Variants in FSIP2 observed in about 807,000 individuals in gnomAD.
FSIP2 encodes the protein fibrous sheath interacting protein 2.
Under a neutral mutation model 510.5 loss-of-function variants are expected in FSIP2, and 367 were observed. The ratio of observed to expected loss-of-function variants is 0.72; its 90% CI spans 0.66 to 0.78. The LOEUF (loss-of-function observed/expected upper bound fraction) is 0.78, where lower values mean the gene tolerates loss of function less well. Among genes scored for constraint, FSIP2 ranks in the 30% least tolerant of loss-of-function variants. The pLI is 0.00. For synonymous variants in FSIP2, 2,601 were observed against 2,732.2 expected (o/e 0.95, Z 1.50); for missense variants, 7,594 against 7,901.7 (o/e 0.96, Z 1.48).
Position 185,803,172 on chromosome 2 carries a change from C to A in FSIP2, c.13866C>A (p.Phe4622Leu). The change falls in exon 17 of 23, where the codon TTC (phenylalanine) becomes TTA (leucine). Residue 4622 changes from phenylalanine to leucine, a missense_variant. By Grantham distance (22) the Phe-to-Leu change is conservative. Coordinates refer to ENST00000424728, the MANE Select transcript of FSIP2 (RefSeq NM_173651.4). ...ATACCAGTGTTTACTCTTCAACATTCTTGGAAGATGTAATCTCTGGGGTTT... is the reference window on the plus strand; with the variant it reads ...ATACCAGTGTTTACTCTTCAACATTATTGGAAGATGTAATCTCTGGGGTTT... ...LFYTSVYSSTFLEDVISGVLR... is the reference protein window; with the variant it reads ...LFYTSVYSSTLLEDVISGVLR... 2 of 1,532,326 alleles carry A rather than the reference C, an allele frequency of 1.3e-6. No homozygotes were observed. Among genetic ancestry groups the A allele is most frequent in the Non-Finnish European group, 1.7e-6 (2 of 1,144,648 alleles). The allele number at this position is 1,532,326 out of a possible 1,614,324, so 94.9% of individuals were successfully genotyped here. A position where few individuals can be genotyped will look rare whatever the true frequency, so the allele number is the denominator to read the frequency against.
At position 185,800,972 on chromosome 2, in the gene FSIP2, A is replaced by G; in HGVS notation, c.11666A>G (p.Lys3889Arg). 6.5e-7 allele frequency: 1 copy of G among 1,529,074 alleles called. No homozygotes were observed. Among genetic ancestry groups the G allele is most frequent in the Non-Finnish European group, 8.7e-7 (1 of 1,143,116 alleles). 94.7% of individuals were successfully genotyped at this position (1,529,074 alleles called of 1,614,324 possible). ...CAGTCTAGTTTCATAAAAGCAAGAA[A>G]GTCAGAATTAATAGAATTAGGACAG... ...EIQSSFIKARKSELIELGQSK... is the reference protein window; with the variant it reads ...EIQSSFIKARRSELIELGQSK... The change falls in exon 17 of 23, where the codon AAG (lysine) becomes AGG (arginine). Residue 3889 changes from lysine (K) to arginine (R), a missense_variant. By Grantham distance (26) the Lys-to-Arg change is conservative. Transcript: ENST00000424728.
At position 185,797,150 on chromosome 2, in the gene FSIP2, A is replaced by C. The variant is rs182519742; in HGVS notation, c.10014A>C (p.Leu3338=). ...CAGAAAATATTGTCAATACTGTGCT[A>C]TCCAGCTGTGGCTTTCCAAGTCAAC... ...LAAENIVNTV[L]SSCGFPSQPH... is the part of the protein sequence containing the mutation. The change falls in exon 16 of 23, where the codon CTA becomes CTC. Residue 3338 remains leucine (L), a synonymous_variant. Coordinates refer to ENST00000424728, the MANE Select transcript of FSIP2 (RefSeq NM_173651.4). 7,489 of 1,535,010 alleles carry C rather than the reference A, an allele frequency of 4.9e-3. 28 individuals carry two copies. Among genetic ancestry groups the C allele is most frequent in the South Asian group, 5.7e-3 (478 of 84,032 alleles).
At chr2:185,743,705 GTATA>G (rs1317076534) in intron 3 of FSIP2, among the ~76,000 whole-genome samples, 19 of 152,134 alleles carry the variant, frequency 1.2e-4, no homozygotes, top group Non-Finnish European at 2.5e-4. Context: ...CCTTGATAGA[GTATA>G]TTCTTATTGG....
At chr2:185,812,706 C>T (rs1401868424) in intron 17 of FSIP2, among the ~76,000 whole-genome samples, 1 of 152,002 alleles carries the variant, frequency 6.6e-6, no homozygotes, top group African/African-American at 2.4e-5. Context: ...ATTTTCTAAA[C>T]CACTGTTTTC....
Position 185,788,872 on chromosome 2 carries a change from T to C in FSIP2, c.1736T>C (p.Phe579Ser), listed in dbSNP as rs748073559. The stretch of plus-strand genomic sequence containing the variant: ...TACACATCTGCAACAACTAAAACAT[T>C]TCAGGCAGAACCCTGTGCATTTGTA... Reference protein sequence around the residue: ...RSYTSATTKTFQAEPCAFVVD... With the variant: ...RSYTSATTKTSQAEPCAFVVD... The change falls in exon 16 of 23, where the codon TTT becomes TCT. Residue 579 changes from phenylalanine to serine, a missense_variant. Coordinates refer to ENST00000424728, the MANE Select transcript of FSIP2 (RefSeq NM_173651.4). The C allele has an allele frequency of 7.9e-5, 122 of 1,534,812 alleles. No homozygotes were observed. Among genetic ancestry groups the C allele is most frequent in the Non-Finnish European group, 1.0e-4 (119 of 1,145,990 alleles).
Position 185,807,558 on chromosome 2 carries a change from G to C in FSIP2, c.18252G>C (p.Val6084=), listed in dbSNP as rs1051173699. The change falls in exon 17 of 23, where the codon GTG becomes GTC. Residue 6084 remains valine, a synonymous_variant. Coordinates refer to ENST00000424728, the MANE Select transcript of FSIP2 (RefSeq NM_173651.4). ...ATGATGATGAAATTATTCAATTAGT[G>C]GTTCAGTCTGTTTATAATAATCTCT... ...QSDDDEIIQL[V]VQSVYNNLLP... The C allele has an allele frequency of 3.7e-6, 6 of 1,611,732 alleles. No homozygotes were observed. Among genetic ancestry groups the C allele is most frequent in the African/African-American group, 2.7e-5 (2 of 74,774 alleles).
At chr2:185,811,044 T>C (rs924082203) in intron 17 of FSIP2, among the ~76,000 whole-genome samples, 5 of 152,034 alleles carry the variant, frequency 3.3e-5, no homozygotes, top group African/African-American at 9.7e-5. Context: ...TTCTCATAAA[T>C]GAAACATTCA....
In FSIP2 at chr2:185,796,299, T is replaced by G. The variant is rs768559130; in HGVS notation, c.9163T>G (p.Ser3055Ala). ...PLKMFSDKSE[S>A]NTINFKENIQ... Reference sequence around the variant, plus strand: ...GAAAATGTTTTCTGATAAATCCGAGTCAAATACTATTAATTTCAAGGAAAA... The same window carrying G: ...GAAAATGTTTTCTGATAAATCCGAGGCAAATACTATTAATTTCAAGGAAAA... Residue 3055 changes from serine to alanine, a missense_variant, in exon 16 of 23, where the codon TCA (serine) becomes GCA (alanine). Ser to Ala is a moderately conservative substitution (Grantham distance 99). Coordinates refer to ENST00000424728, the MANE Select transcript of FSIP2 (RefSeq NM_173651.4). The G allele has an allele frequency of 6.5e-7, 1 of 1,533,372 alleles. No individual in the cohort carries two copies. The highest frequency in any genetic ancestry group is 1.2e-5 in the South Asian group (1 of 83,772). 95.0% of individuals were successfully genotyped at this position (1,533,372 alleles called of 1,614,324 possible). A position where few individuals can be genotyped will look rare whatever the true frequency, so the allele number is the denominator to read the frequency against.
Position 185,794,457 on chromosome 2 carries a change from C to T in FSIP2, c.7321C>T (p.Gln2441Ter). The stretch of plus-strand genomic sequence containing the variant: ...CAAAGAGAAGGAAAGAAGTACCAAA[C>T]AATCTCTATTTACAAAGTATCCATT... ...GHKEKERSTK[Q>*]SLFTKYPLEQ... Residue 2441 changes from glutamine (Q) to a stop codon, truncating the protein, a stop_gained, in exon 16 of 23, where the codon CAA becomes TAA. Transcript: ENST00000424728. LOFTEE classifies it high-confidence loss of function. 5 of 1,509,124 alleles carry T rather than the reference C, an allele frequency of 3.3e-6. No homozygotes were observed. The highest frequency in any genetic ancestry group is 3.5e-6 in the Non-Finnish European group (4 of 1,135,876). 93.5% of individuals were successfully genotyped at this position (1,509,124 alleles called of 1,614,324 possible).
At chr2:185,824,240 G>A (rs34196606) in intron 19 of FSIP2, among the ~76,000 whole-genome samples, 194 bp from the exon 20 acceptor site, 47,608 of 151,678 alleles carry the variant, frequency 0.31, 7,793 homozygotes, top group Middle Eastern at 0.4. Flanking sequence ...TAAATTTAAT[G>A]TATGTATAAC....
At chr2:185,754,907 A>G (rs1432922467) in intron 8 of FSIP2, among the ~76,000 whole-genome samples, 1 of 151,546 alleles carries the variant, frequency 6.6e-6, no homozygotes, top group Admixed American at 6.6e-5. Flanking sequence ...TAATTCCTAT[A>G]AAGAGTGTAA....
At position 185,793,515 on chromosome 2, in the gene FSIP2, T is replaced by G; in HGVS notation, c.6379T>G (p.Ser2127Ala). Reference protein sequence around the residue: ...TLKCSIADKHSEENSEMFMEG... With the variant: ...TLKCSIADKHAEENSEMFMEG... ...GAAATGTAGCATAGCTGATAAACAT[T>G]CAGAAGAAAATTCTGAAATGTTCAT... Residue 2127 changes from serine to alanine, a missense_variant, in exon 16 of 23, where the codon TCA becomes GCA. By Grantham distance (99) the Ser-to-Ala change is moderately conservative. Transcript: ENST00000424728. 2 of 1,534,418 alleles carry G rather than the reference T, an allele frequency of 1.3e-6. No individual in the cohort carries two copies. Among genetic ancestry groups the G allele is most frequent in the Admixed American group, 2.0e-5 (1 of 50,870 alleles).
chr2:185,766,655 A>C (rs1692490448), intron 13 of FSIP2: 1 of 151,306 alleles, frequency 6.6e-6, no homozygotes, highest in Admixed American at 6.6e-5. Context: ...AAGCATTAAA[A>C]AGTCAGGAAA....
chr2:185,770,995 C>T (rs1281238823), intron 13 of FSIP2, among the ~76,000 whole-genome samples: 2 of 152,194 alleles, frequency 1.3e-5, no homozygotes, highest in Admixed American at 1.3e-4. Context: ...AACATTAAAT[C>T]TCAAAGCTCC....
chr2:185,767,725 C>T (rs1559017150), intron 13 of FSIP2, among the ~76,000 whole-genome samples: 1 of 152,074 alleles, frequency 6.6e-6, no homozygotes, highest in Non-Finnish European at 1.5e-5. Flanking sequence ...AGATCTATCT[C>T]TTGGTATATA....
At chr2:185,832,043 A>G (rs1694118517) in intron 22 of FSIP2, among the ~76,000 whole-genome samples, 161 bp downstream of exon 22, 1 of 151,882 alleles carries the variant, frequency 6.6e-6, no homozygotes, top group South Asian at 2.1e-4. Context: ...ATAAATACCA[A>G]TTTTCAGTTA....
chr2:185,767,708 G>C (rs754923709), intron 13 of FSIP2, among the ~76,000 whole-genome samples: 1 of 151,960 alleles, frequency 6.6e-6, no homozygotes, highest in Non-Finnish European at 1.5e-5. Flanking sequence ...CATCTACTTA[G>C]ACAGATAGAT....
At chr2:185,740,020 A>G (rs1691892053) in intron 2 of FSIP2, among the ~76,000 whole-genome samples, 1 of 152,170 alleles carries the variant, frequency 6.6e-6, no homozygotes, top group Non-Finnish European at 1.5e-5. Flanking sequence ...TCAATGAGGA[A>G]GAGACTCCAT....
chr2:185,787,059 GT>G (rs1015051283), intron 15 of FSIP2, among the ~76,000 whole-genome samples: 1 of 151,640 alleles, frequency 6.6e-6, no homozygotes, highest in Admixed American at 6.6e-5. Context: ...AATAATGTAG[GT>G]TTTTGTTTAT....
Sources: gnomAD v4.1 joint callset for allele counts (sites outside exome capture counted in the v4.1 genomes callset) on GRCh38, gnomAD v4.1.1 for gene constraint, MANE v1.5 for transcripts, NCBI Gene and HGNC (gene_info 2026-07-23, HGNC 2026-07-21) for gene names.